The following ITFG1 variants were observed in gnomAD, a reference collection of about 807,000 sequenced individuals.
ITFG1 encodes integrin alpha FG-GAP repeat containing 1, also known as T-cell immunomodulatory protein.
ITFG1 carries 34 observed loss-of-function variants against 81.8 expected under a neutral mutation model. The observed-to-expected ratio is 0.42, with a 90% CI of 0.32 to 0.55. The LOEUF (loss-of-function observed/expected upper bound fraction) is 0.55, where lower values mean the gene tolerates loss of function less well. ITFG1 is among the 20% of genes least tolerant of loss of function. ITFG1 has a pLI of 0.17. For synonymous variants in ITFG1, 285 were observed against 270.6 expected (o/e 1.05, Z -0.52); for missense variants, 672 against 755.4 (o/e 0.89, Z 1.29).
intron 6 of ITFG1, among the ~76,000 whole-genome samples, chr16:47,401,069 T>C (rs998817664): frequency 5.9e-5 from 9 of 152,166 alleles, no homozygotes; most frequent in African/African-American, 1.9e-4. Context: ...CAGGAGGTAC[T>C]TGCAGCCGAA....
chr16:47,209,534 C>A (rs1184212618), intron 14 of ITFG1, among the ~76,000 whole-genome samples: 1 of 152,068 alleles, frequency 6.6e-6, no homozygotes, highest in African/African-American at 2.4e-5. Flanking sequence ...AGAAATAATG[C>A]AAAGATCCCA....
intron 13 of ITFG1, among the ~76,000 whole-genome samples, chr16:47,226,898 T>C (rs1385201133): frequency 6.6e-6 from 1 of 152,164 alleles, no homozygotes; most frequent in Non-Finnish European, 1.5e-5. Flanking sequence ...AAATTGGTTA[T>C]GTTAATATAA....
chr16:47,182,719 TACTTA>T (rs1255580034), intron 14 of ITFG1, among the ~76,000 whole-genome samples: 9 of 152,322 alleles, frequency 5.9e-5, no homozygotes, highest in Middle Eastern at 3.4e-3. Flanking sequence ...TAATTAATAG[TACTTA>T]ACTTCTAATG....
Position 47,343,296 on chromosome 16 carries a change from T to C in ITFG1, c.802+22492A>G, listed in dbSNP as rs575968022. On this transcript the variant is annotated intron_variant, in intron 8 of 17. Coordinates refer to ENST00000320640, the MANE Select transcript of ITFG1 (RefSeq NM_030790.5). ...TCCACATGAAAAAGGACCCAGCATC[T>C]TTTTGTACTCATACCATGTACAAAA... Among the ~76,000 whole-genome samples the C allele has an allele frequency of 3.3e-5, 5 of 152,252 alleles. No individual in the cohort carries two copies. In the South Asian group the frequency reaches 1.0e-3, roughly 32 times the overall value.
chr16:47,312,654 C>T (rs925152282), intron 9 of ITFG1: 2 of 152,256 alleles, frequency 1.3e-5, no homozygotes, highest in South Asian at 2.1e-4. Flanking sequence ...GAGAATTTCA[C>T]AAAATGCCAC....
chr16:47,448,709 A>G (rs1054747091), intron 5 of ITFG1: 1 of 151,784 alleles, frequency 6.6e-6, no homozygotes, highest in Non-Finnish European at 1.5e-5. Context: ...TTCAACATTA[A>G]AAACAATATT....
intron 8 of ITFG1, among the ~76,000 whole-genome samples, chr16:47,334,470 A>G (rs558480545): frequency 6.6e-6 from 1 of 152,220 alleles, no homozygotes; most frequent in Non-Finnish European, 1.5e-5. Context: ...TATATTAAAC[A>G]AACACTTAAA....
intron 5 of ITFG1, among the ~76,000 whole-genome samples, chr16:47,438,444 G>C (rs112993961): frequency 3.9e-5 from 6 of 152,196 alleles, no homozygotes; most frequent in Non-Finnish European, 7.3e-5. Context: ...CCCAGTAGGG[G>C]TGGACTGATA....
intron 14 of ITFG1, among the ~76,000 whole-genome samples, chr16:47,196,947 CA>C (rs767348049): frequency 2.0e-5 from 3 of 151,960 alleles, no homozygotes; most frequent in Non-Finnish European, 2.9e-5. Context: ...CAAAACAAAA[CA>C]AAACAACAAC....
intron 14 of ITFG1, among the ~76,000 whole-genome samples, chr16:47,178,418 A>G (rs1252985970): frequency 6.6e-6 from 1 of 152,172 alleles, no homozygotes; most frequent in African/African-American, 2.4e-5. Context: ...AAGAAATAAT[A>G]CCACACATCT....
chr16:47,162,550 G>C lies in ITFG1; in HGVS notation c.1568C>G (p.Ser523Cys), dbSNP rs747483079. 1.0e-5 allele frequency: 16 copies of C among 1,601,030 alleles called. No individual in the cohort carries two copies. In the South Asian group the frequency reaches 1.8e-4, roughly 18 times the overall value. ...TGAATTTTTACTCACTTTTTCTCCA[G>C]ATGGACGGGGAATACCAACGTAGAG... The part of the protein sequence containing the change: ...DHLYVGIPRP[S>C]GEKSIRKQEW... Residue 523 changes from serine (S) to cysteine (C), a missense_variant, in exon 15 of 18, where the codon TCT (serine) becomes TGT (cysteine). Physicochemically the swap from Ser to Cys is moderately radical, Grantham distance 112 (BLOSUM62 -1). Around this residue, in one of 3 missense-constraint regions of ITFG1, gnomAD observed 560 missense variants for 625.7 expected, o/e 0.90. Coordinates refer to ENST00000320640, the MANE Select transcript of ITFG1 (RefSeq NM_030790.5).
At chr16:47,393,776 TAAGTCACTAA>T (rs1317899020) in intron 6 of ITFG1, among the ~76,000 whole-genome samples, 1 of 152,136 alleles carries the variant, frequency 6.6e-6, no homozygotes, top group East Asian at 1.9e-4. Flanking sequence ...GTGACAAAGT[TAAGTCACTAA>T]ATACAAGACC....
rs546244760 is a variant in ITFG1, at chr16:47,315,768, C to CATATATATATATATATAT, written c.803-1946_803-1945insATATATATATATATATAT. 7.0e-4 allele frequency among the ~76,000 whole-genome samples: 101 copies of CATATATATATATATATAT among 144,528 alleles called. 1 individual carries two copies. The highest frequency in any genetic ancestry group is 2.0e-3 in the African/African-American group (69 of 35,108). The allele number at this position is 144,528 out of a possible 152,430, so 94.8% of individuals were successfully genotyped here. On this transcript the variant is annotated intron_variant, in intron 8 of 17. Transcript: ENST00000320640. ...GTGTTTCTTGTGCTATTCTAAATGC[C>CATATATATATATATATAT]ATATATATATACACATATATATAAT...
At chr16:47,424,768 C>T (rs1337802656) in intron 6 of ITFG1, among the ~76,000 whole-genome samples, 1 of 152,142 alleles carries the variant, frequency 6.6e-6, no homozygotes, top group Non-Finnish European at 1.5e-5. Context: ...GCGAAGGCTG[C>T]AGAACAGCAA....
At chr16:47,232,450 A>C (rs189673167) in intron 13 of ITFG1, among the ~76,000 whole-genome samples, 6 of 152,276 alleles carry the variant, frequency 3.9e-5, no homozygotes, top group Non-Finnish European at 7.4e-5. Flanking sequence ...AAGAAAGAGA[A>C]CTTCTGGTAT....
At chr16:47,273,660 G>A (rs536264957) in intron 10 of ITFG1, among the ~76,000 whole-genome samples, 3 of 152,184 alleles carry the variant, frequency 2.0e-5, no homozygotes, top group South Asian at 2.1e-4. Context: ...GTAGAGGGAG[G>A]CCAACTGAAA....
intron 4 of ITFG1, among the ~76,000 whole-genome samples, chr16:47,451,867 T>C (rs1367447304): frequency 6.6e-6 from 1 of 152,224 alleles, no homozygotes. Flanking sequence ...ATCTCTGTAA[T>C]CTTTGCATTA....
chr16:47,187,747 C>A (rs985618007), intron 14 of ITFG1, among the ~76,000 whole-genome samples: 3 of 151,850 alleles, frequency 2.0e-5, no homozygotes, highest in Non-Finnish European at 2.9e-5. Context: ...GCAACAAAAG[C>A]CAAAATTGAC....
intron 7 of ITFG1, among the ~76,000 whole-genome samples, chr16:47,368,237 TAAAAAAA>T (rs1197857958): frequency 1.3e-5 from 1 of 78,008 alleles, no homozygotes; most frequent in African/African-American, 4.6e-5. Flanking sequence ...CCGTCTCAAT[TAAAAAAA>T]AAAAAAAAAA....
Sources: gnomAD v4.1 joint callset for allele counts (sites outside exome capture counted in the v4.1 genomes callset) on GRCh38, gnomAD v4.1.1 for gene constraint, gnomAD v4.1.1 regional missense constraint, MANE v1.5 for transcripts, NCBI Gene and HGNC (gene_info 2026-07-23, HGNC 2026-07-21) for gene names.